FRMPD1: variants seen among roughly 807,000 people sequenced by gnomAD.
FRMPD1 encodes FERM and PDZ domain containing 1, also known as FERM and PDZ domain-containing protein 1.
Under a neutral mutation model 117.8 loss-of-function variants are expected in FRMPD1, and 76 were observed. The ratio of observed to expected loss-of-function variants is 0.65; its 90% CI spans 0.54 to 0.78. The LOEUF (loss-of-function observed/expected upper bound fraction) is 0.78. Ranked by LOEUF, FRMPD1 falls within the 30% of genes least tolerant of loss-of-function variation. The probability of loss-of-function intolerance (pLI) is 0.00; values close to 1 mark genes in which losing one functional copy is unlikely to be tolerated. For synonymous variants in FRMPD1, 783 were observed against 770.4 expected (o/e 1.02, Z -0.27); for missense variants, 1,786 against 1,964.5 (o/e 0.91, Z 1.72).
the FRMPD1 span, among the ~76,000 whole-genome samples, chr9:37,604,516 A>T: frequency 6.6e-6 from 1 of 152,232 alleles, no homozygotes; most frequent in Non-Finnish European, 1.5e-5. Context: ...GTATGCTTAG[A>T]AGCAGGGGCT....
At chr9:37,646,639 T>C (rs1483481418), upstream of FRMPD1, among the ~76,000 whole-genome samples, 3 of 152,298 alleles carry the variant, frequency 2.0e-5, no homozygotes, top group East Asian at 3.9e-4. Flanking sequence ...CACTACTCCA[T>C]AGAAAATGAC....
In FRMPD1 at chr9:37,740,271, G is replaced by A. The variant is rs369271811; in HGVS notation, c.1743G>A (p.Thr581=). The part of the protein sequence containing the change: ...RGPSTCGASS[T]TDSAESEASD... ...CCAGCACCTGCGGGGCCAGCAGCACGACAGACAGTGCCGAGTCCGAGGCGT... is the reference window on the plus strand; with the variant it reads ...CCAGCACCTGCGGGGCCAGCAGCACAACAGACAGTGCCGAGTCCGAGGCGT... The change falls in exon 15 of 16, where the codon ACG becomes ACA. Residue 581 remains threonine (T), a synonymous_variant. Coordinates refer to ENST00000377765, the MANE Select transcript of FRMPD1 (RefSeq NM_014907.3). The surrounding 1 kb of genome is among the most constrained non-coding windows in gnomAD (Gnocchi z 4.2). 8.7e-6 allele frequency: 14 copies of A among 1,613,718 alleles called. No homozygotes were observed. The highest frequency in any genetic ancestry group is 6.7e-5 in the African/African-American group (5 of 74,918).
chr9:37,745,464 T>C lies in FRMPD1; in HGVS notation c.3432T>C (p.Val1144=). 6.2e-7 allele frequency: 1 copy of C among 1,614,000 alleles called. No individual in the cohort carries two copies. Among genetic ancestry groups the C allele is most frequent in the Non-Finnish European group, 8.5e-7 (1 of 1,179,888 alleles). The change falls in exon 16 of 16, where the codon GTT becomes GTC. Residue 1144 remains valine (V), a synonymous_variant. Coordinates refer to ENST00000377765, the MANE Select transcript of FRMPD1 (RefSeq NM_014907.3). ...CCCCGGGTGATGTGTCAAATAATGT[T>C]TCACAGACTCTTGATATTAGCTCTC... ...GDSPGDVSNN[V]SQTLDISSPA... is the part of the protein sequence containing the mutation.
chr9:37,622,917 G>GA, the FRMPD1 span, among the ~76,000 whole-genome samples: 194 of 137,816 alleles, frequency 1.4e-3, 1 homozygote, highest in African/African-American at 1.8e-3. Context: ...AGTTAGAAAA[G>GA]AAAAAAAAAA....
intron 1 of FRMPD1, among the ~76,000 whole-genome samples, chr9:37,692,067 T>G (rs1435223847): frequency 1.3e-5 from 2 of 148,722 alleles, no homozygotes; most frequent in Non-Finnish European, 3.0e-5. Flanking sequence ...TAAGAACACT[T>G]GAGATCTACC....
chr9:37,676,530 C>A (rs575492305), intron 1 of FRMPD1, among the ~76,000 whole-genome samples: 6 of 152,312 alleles, frequency 3.9e-5, no homozygotes, highest in African/African-American at 1.4e-4. Flanking sequence ...GTTGGTGCCA[C>A]TCCTACTGGC....
At position 37,708,400 on chromosome 9, in the gene FRMPD1, A is replaced by T. The variant is rs1351643391; in HGVS notation, c.261A>T (p.Gly87=). 1.1e-5 allele frequency: 17 copies of T among 1,595,264 alleles called. No individual in the cohort carries two copies. Among genetic ancestry groups the T allele is most frequent in the African/African-American group, 1.3e-5 (1 of 74,524 alleles). ...AATTACTTATTTTCTGTCCAACAGG[A>T]GGCTCTGCTCACGGCAAGCTTTTCC... The part of the protein sequence containing the change: ...LPLTVVAVTA[G]GSAHGKLFPG... Residue 87 remains glycine (G), a splice_region_variant and synonymous_variant, in exon 4 of 16, where the codon GGA becomes GGT. Transcript: ENST00000377765.
At chr9:37,614,181 G>A in the FRMPD1 span, among the ~76,000 whole-genome samples, 1 of 152,230 alleles carries the variant, frequency 6.6e-6, no homozygotes, top group African/African-American at 2.4e-5. Flanking sequence ...GGTTGTTGAA[G>A]AGTGGACACC....
intron 1 of FRMPD1, among the ~76,000 whole-genome samples, chr9:37,680,508 T>G (rs1288846594): frequency 1.3e-5 from 2 of 152,194 alleles, no homozygotes; most frequent in Non-Finnish European, 2.9e-5. Flanking sequence ...GACCATGTTT[T>G]GCAGGTGTGG....
chr9:37,707,721 T>G, intron 3 of FRMPD1, 148 bp downstream of exon 3: 1 of 668,132 alleles, frequency 1.5e-6, no homozygotes, highest in Admixed American at 2.9e-5. Flanking sequence ...TCTTGGGCTT[T>G]GCACCTTACT....
At chr9:37,705,998 A>AATAG (rs1227802551) in intron 2 of FRMPD1, among the ~76,000 whole-genome samples, 4 of 149,642 alleles carry the variant, frequency 2.7e-5, no homozygotes, top group African/African-American at 1.0e-4. Flanking sequence ...TAAATAAATA[A>AATAG]ATAAAAGATT....
intron 2 of FRMPD1, among the ~76,000 whole-genome samples, chr9:37,706,690 C>G (rs1445829467): frequency 6.6e-6 from 1 of 152,146 alleles, no homozygotes; most frequent in Non-Finnish European, 1.5e-5. Flanking sequence ...GGAGTCCTTG[C>G]TATCTGAGAT....
At chr9:37,619,691 G>A in the FRMPD1 span, among the ~76,000 whole-genome samples, 1,095 of 151,970 alleles carry the variant, frequency 7.2e-3, 9 homozygotes, top group African/African-American at 0.025. Flanking sequence ...CCAGGAATTG[G>A]AGGTTGTGGT....
the FRMPD1 span, among the ~76,000 whole-genome samples, chr9:37,625,194 A>T: frequency 1.7e-4 from 26 of 152,190 alleles, no homozygotes; most frequent in Non-Finnish European, 2.9e-4. Context: ...AGGGGGTAGC[A>T]GTTTGAAAGA....
the FRMPD1 span, among the ~76,000 whole-genome samples, chr9:37,630,562 G>A: frequency 2.0e-5 from 3 of 151,982 alleles, no homozygotes; most frequent in African/African-American, 7.2e-5. Context: ...TTTATTTTTA[G>A]TAGAGACGGA....
Position 37,719,094 on chromosome 9 carries a change from C to T in FRMPD1, c.434C>T (p.Thr145Ile). The T allele has an allele frequency of 6.2e-7, 1 of 1,612,706 alleles. No individual in the cohort carries two copies. Among genetic ancestry groups the T allele is most frequent in the Non-Finnish European group, 8.5e-7 (1 of 1,178,736 alleles). The part of the protein sequence containing the change: ...TSGVPKSSFL[T>I]EEKRARLKTN... The stretch of plus-strand genomic sequence containing the variant: ...GGAGTCCCTAAATCGTCCTTCCTGA[C>T]CGAGGAGAAGAGAGCCAGACTGAAG... Residue 145 changes from threonine (T) to isoleucine (I), a missense_variant, in exon 6 of 16, where the codon ACC becomes ATC. Transcript: ENST00000377765.
At chr9:37,731,215 C>T (rs1823865917) in intron 9 of FRMPD1, 112 bp downstream of exon 9, 1 of 929,968 alleles carries the variant, frequency 1.1e-6, no homozygotes, top group South Asian at 1.4e-5. Context: ...TAGGGATTCT[C>T]TTTATCTGAA....
chr9:37,636,652 G>A, the FRMPD1 span: 1 of 1,406,540 alleles, frequency 7.1e-7, no homozygotes, highest in Non-Finnish European at 9.5e-7. Context: ...ATCATTTGGA[G>A]AAGGTGCCCC....
At chr9:37,688,667 A>G (rs1029508778) in intron 1 of FRMPD1, among the ~76,000 whole-genome samples, 1 of 152,152 alleles carries the variant, frequency 6.6e-6, no homozygotes, top group East Asian at 1.9e-4. Flanking sequence ...TAGATTTATT[A>G]AATAAATTAT....
Sources: gnomAD v4.1 joint callset for allele counts (sites outside exome capture counted in the v4.1 genomes callset) on GRCh38, gnomAD v4.1.1 for gene constraint, Gnocchi (gnomAD v3.1) non-coding constraint, MANE v1.5 for transcripts, NCBI Gene and HGNC (gene_info 2026-07-23, HGNC 2026-07-21) for gene names.